Variants in GBP3 observed in about 807,000 individuals in gnomAD.
GBP3 encodes guanylate binding protein 3.
GBP3 carries 55 observed loss-of-function variants against 62.4 expected under a neutral mutation model. That is an observed-to-expected ratio of 0.88 (90% CI 0.71 to 1.10). The LOEUF is 1.10. Among genes scored for constraint, GBP3 ranks in the 50% least tolerant of loss-of-function variants. The pLI is 0.00. For synonymous variants in GBP3, 208 were observed against 259.2 expected, an observed-to-expected ratio of 0.80 and a Z score of 1.90; for missense variants, 605 against 690.6, an observed-to-expected ratio of 0.88 and a Z score of 1.39.
At chr1:89,021,552 A>G (rs989711448) in intron 1 of GBP3, among the ~76,000 whole-genome samples, 2 of 139,828 alleles carry the variant, frequency 1.4e-5, no homozygotes, top group Admixed American at 7.1e-5. Flanking sequence ...ACACCCCAAA[A>G]AAACCAAACC....
chr1:89,019,247 T>C (rs764187772), intron 2 of GBP3, among the ~76,000 whole-genome samples: 2 of 152,228 alleles, frequency 1.3e-5, no homozygotes, highest in Non-Finnish European at 2.9e-5. Context: ...GATAAATTAG[T>C]ATACACATAT....
chr1:89,014,760 G>T, intron 3 of GBP3, 104 bp from the exon 4 acceptor site: 1 of 1,406,704 alleles, frequency 7.1e-7, no homozygotes, highest in Non-Finnish European at 9.8e-7. Context: ...TTTCTTTTAA[G>T]ACTAATGACC....
rs765392892 is a variant in GBP3 at position 89,008,928 on chromosome 1, A to G, written c.1659+19T>C. The G allele has an allele frequency of 1.6e-5, 26 of 1,613,816 alleles. No individual in the cohort carries two copies. In the African/African-American group the frequency reaches 2.0e-4, roughly 12 times the overall value. ...AGAGAAAACAGAAAAACGAACCACA[A>G]GGTGATGCATTTGGATACCTGAAGT... On this transcript the variant is annotated intron_variant, in intron 10 of 10. Coordinates refer to ENST00000370481, the MANE Select transcript of GBP3 (RefSeq NM_018284.3).
intron 2 of GBP3, among the ~76,000 whole-genome samples, chr1:89,018,078 CAA>C (rs796417229): frequency 2.2e-4 from 26 of 119,416 alleles, no homozygotes; most frequent in African/African-American, 6.2e-4. Context: ...GACTGTGTCT[CAA>C]AAAAAAAAAA....
chr1:89,010,255 G>A (rs1212552525), intron 8 of GBP3, among the ~76,000 whole-genome samples: 2 of 142,748 alleles, frequency 1.4e-5, no homozygotes, highest in Admixed American at 7.1e-5. Flanking sequence ...CTGAGTAGCT[G>A]GAATTACAGG....
chr1:89,017,637 G>C (rs1333812111), intron 2 of GBP3, among the ~76,000 whole-genome samples: 1 of 152,134 alleles, frequency 6.6e-6, no homozygotes, highest in African/African-American at 2.4e-5. Context: ...AGATTAAAAA[G>C]TAAAGAAAGA....
At position 89,007,749 on chromosome 1, in the gene GBP3, T is replaced by C. The variant is rs1452296244; in HGVS notation, c.1763A>G (p.Tyr588Cys). Residue 588 changes from tyrosine (Y) to cysteine (C), a missense_variant, in exon 11 of 11, where the codon TAT (tyrosine) becomes TGT (cysteine). Transcript: ENST00000370481. ...QKTLKKKTKR[Y>C]MSHKLKI ...TTAGATCTTTAGCTTATGCGACATATATCTCTTGGTTTTTTTTTTCAGGGT... is the reference window on the plus strand; with the variant it reads ...TTAGATCTTTAGCTTATGCGACATACATCTCTTGGTTTTTTTTTTCAGGGT... The C allele has an allele frequency of 1.9e-5, 30 of 1,613,206 alleles. No homozygotes were observed. Among genetic ancestry groups the C allele is most frequent in the African/African-American group, 6.7e-5 (5 of 74,806 alleles).
rs779033020 is a variant in GBP3 at position 89,013,418 on chromosome 1, T to A, written c.635A>T (p.Gln212Leu). The A allele has an allele frequency of 3.1e-6, 5 of 1,610,516 alleles. No homozygotes were observed. Among genetic ancestry groups the A allele is most frequent in the Non-Finnish European group, 3.4e-6 (4 of 1,178,768 alleles). Residue 212 changes from glutamine to leucine, a missense_variant, in exon 6 of 11, where the codon CAA becomes CTA. This residue lies in a region of GBP3 where 308 missense variants were observed against 318.0 expected (regional missense o/e 0.97). Coordinates refer to ENST00000370481, the MANE Select transcript of GBP3 (RefSeq NM_018284.3). ...YSLKLTQGTS[Q>L]KDKNFNLPRL... ...GGGCAGATTAAAATTTTTATCTTTT[T>A]GACTGGTACCTAGAGAAACATAATA...
At chr1:89,007,894 G>A (rs1403424655) in intron 10 of GBP3, 42 bp from the exon 11 acceptor site, 13 of 1,569,028 alleles carry the variant, frequency 8.3e-6, no homozygotes, top group Non-Finnish European at 1.1e-5. Context: ...GTAGCATTAA[G>A]TAAATCTCTG....
chr1:89,020,860 G>C, intron 1 of GBP3, 117 bp from the exon 2 acceptor site: 1 of 742,902 alleles, frequency 1.3e-6, no homozygotes, highest in Non-Finnish European at 2.2e-6. Flanking sequence ...GAGAGATGAG[G>C]GAAAATGTGT....
chr1:89,013,809 A>G, intron 5 of GBP3: 1 of 440,254 alleles, frequency 2.3e-6, no homozygotes, highest in Non-Finnish European at 4.0e-6. Context: ...ATTGTAAAAT[A>G]GGAAAAAATG....
chr1:89,019,435 T>G (rs1225391647), intron 2 of GBP3, among the ~76,000 whole-genome samples: 1 of 152,186 alleles, frequency 6.6e-6, no homozygotes, highest in Non-Finnish European at 1.5e-5. Flanking sequence ...ATTACAGGCA[T>G]GTGCCACCAT....
At position 89,008,978 on chromosome 1, in the gene GBP3, T is replaced by G. The variant is rs1455809167; in HGVS notation, c.1628A>C (p.Glu543Ala). 1.9e-6 allele frequency: 3 copies of G among 1,614,178 alleles called. No individual in the cohort carries two copies. The highest frequency in any genetic ancestry group is 2.5e-6 in the Non-Finnish European group (3 of 1,180,004). Residue 543 changes from glutamate to alanine, a missense_variant, in exon 10 of 11, where the codon GAG becomes GCG. Physicochemically the swap from Glu to Ala is moderately radical, Grantham distance 107. Transcript: ENST00000370481. The stretch of plus-strand genomic sequence containing the variant: ...TTTACTAGTGAGGGTCTTCTCTTGC[T>G]CTTCCAGCAACTGGGCCCTCTCCCT... ...MERERAQLLE[E>A]QEKTLTSKLQ...
At position 89,013,260 on chromosome 1, in the gene GBP3, C is replaced by T; in HGVS notation, c.793G>A (p.Ala265Thr). The change falls in exon 6 of 11, where the codon GCA becomes ACA. Residue 265 changes from alanine to threonine, a missense_variant. By Grantham distance (58) the Ala-to-Thr change is moderately conservative (BLOSUM62 0). Coordinates refer to ENST00000370481, the MANE Select transcript of GBP3 (RefSeq NM_018284.3). ...ELDPEFVQQV[A>T]DFCSYIFSNS... ...CTAAAGATGTAGGAACAGAAGTCTG[C>T]TACTTGTTGCACAAATTCAGGGTCC... The T allele has an allele frequency of 6.2e-7, 1 of 1,614,182 alleles. No individual in the cohort carries two copies. The highest frequency in any genetic ancestry group is 2.2e-5 in the East Asian group (1 of 44,886).
chr1:89,020,988 G>T (rs1024313534), intron 1 of GBP3, among the ~76,000 whole-genome samples: 3 of 152,116 alleles, frequency 2.0e-5, no homozygotes, highest in African/African-American at 7.2e-5. Flanking sequence ...TTATGGAAAA[G>T]CTTCCCTTGG....
In GBP3 at chr1:89,013,173, A is replaced by C. The variant is rs1307612668; in HGVS notation, c.868+12T>G. The C allele has an allele frequency of 1.2e-6, 2 of 1,611,194 alleles. No homozygotes were observed. Among genetic ancestry groups the C allele is most frequent in the Non-Finnish European group, 8.5e-7 (1 of 1,177,822 alleles). On this transcript the variant is annotated intron_variant, in intron 6 of 10. Transcript: ENST00000370481. Reference sequence around the variant, plus strand: ...TTTAACAATGAGTGGAAGTACTACGAAGGGGACTTACGAGGCCCATTGACC... The same window carrying C: ...TTTAACAATGAGTGGAAGTACTACGCAGGGGACTTACGAGGCCCATTGACC...
rs1678825012 is a variant in GBP3, at chr1:89,015,272, A to G, written c.318+15T>C. On this transcript the variant is annotated intron_variant, in intron 3 of 10. Transcript: ENST00000370481. ...GATGAGGGGCTTATTTCAAAATTGAATCTTTGACCCTTACCTTCTTTACAT... is the reference window on the plus strand; with the variant it reads ...GATGAGGGGCTTATTTCAAAATTGAGTCTTTGACCCTTACCTTCTTTACAT... 2 of 1,577,414 alleles carry G rather than the reference A, an allele frequency of 1.3e-6. No homozygotes were observed. Among genetic ancestry groups the G allele is most frequent in the African/African-American group, 2.7e-5 (2 of 73,054 alleles).
In GBP3 at chr1:89,014,451, T is replaced by C. The variant is rs775474159; in HGVS notation, c.428+96A>G. 1.1e-5 allele frequency: 18 copies of C among 1,611,986 alleles called. No homozygotes were observed. In the African/African-American group the frequency reaches 2.3e-4, roughly 20 times the overall value. On this transcript the variant is annotated intron_variant, in intron 4 of 10. Coordinates refer to ENST00000370481, the MANE Select transcript of GBP3 (RefSeq NM_018284.3). ...TGCATTATTTTTTGTTTTCTCCTTT[T>C]GAGCTTGATTCATCAGGATTCACAG...
chr1:89,015,744 TAAAAA>T, intron 2 of GBP3, among the ~76,000 whole-genome samples: 1 of 86,032 alleles, frequency 1.2e-5, no homozygotes. Context: ...ACTCTTGTCT[TAAAAA>T]AAAAAAAAAA....
Sources: gnomAD v4.1 joint callset for allele counts (sites outside exome capture counted in the v4.1 genomes callset) on GRCh38, gnomAD v4.1.1 for gene constraint, gnomAD v4.1.1 regional missense constraint, MANE v1.5 for transcripts, NCBI Gene and HGNC (gene_info 2026-07-23, HGNC 2026-07-21) for gene names.